The following SCUBE3 variants were observed in gnomAD, a reference collection of about 807,000 sequenced individuals.
SCUBE3 encodes the protein signal peptide, CUB and EGF-like domain-containing protein 3.
A neutral mutation model predicts 116.8 loss-of-function variants in SCUBE3; 33 were observed. The observed-to-expected ratio is 0.28, with a 90% CI of 0.21 to 0.38. SCUBE3 has a LOEUF of 0.38. Ranked by LOEUF, SCUBE3 falls within the 10% of genes least tolerant of loss-of-function variation. SCUBE3 has a pLI of 1.00. For synonymous variants in SCUBE3, 418 were observed against 496.9 expected (o/e 0.84, Z 2.11); for missense variants, 1,007 against 1,324.8 (o/e 0.76, Z 3.72).
At position 35,245,131 on chromosome 6, in the gene SCUBE3, G is replaced by A. The variant is rs754265061; in HGVS notation, c.2402-97G>A. The A allele has an allele frequency of 1.1e-5, 12 of 1,104,434 alleles. No homozygotes were observed. In the East Asian group the frequency reaches 1.2e-4, roughly 11 times the overall value. The allele number at this position is 1,104,434 out of a possible 1,614,324, so 68.4% of individuals were successfully genotyped here. On this transcript the variant is annotated intron_variant, in intron 18 of 21. Coordinates refer to ENST00000274938, the MANE Select transcript of SCUBE3 (RefSeq NM_152753.4). This position sits in a 1 kb window ranked among gnomAD's most constrained non-coding sequence, Gnocchi z 4.2. ...ACTAGAACGCAGACTTCCCATAAAT[G>A]TCTGACCTCTACTTCAGAACTCTTC...
intron 1 of SCUBE3, chr6:35,221,757 T>C (rs904252290): frequency 6.6e-6 from 1 of 152,158 alleles, no homozygotes; most frequent in Non-Finnish European, 1.5e-5. Flanking sequence ...AGTAGGAAAA[T>C]TATACACATG....
intron 1 of SCUBE3, among the ~76,000 whole-genome samples, chr6:35,225,676 T>C (rs1783295905): frequency 6.6e-6 from 1 of 152,150 alleles, no homozygotes; most frequent in Admixed American, 6.5e-5. Flanking sequence ...TGTTTGGGGA[T>C]TTCAGTTCTC....
chr6:35,243,111 G>A lies in SCUBE3; in HGVS notation c.1784G>A (p.Arg595His), dbSNP rs1445958418. ...KMLRKSINQD[R>H]FLLRLAGLDY... Reference sequence around the variant, plus strand: ...CTCAGAAAGTCCATCAACCAGGACCGCTTCCTGCTGCGCCTGGCAGGCCTT... The same window carrying A: ...CTCAGAAAGTCCATCAACCAGGACCACTTCCTGCTGCGCCTGGCAGGCCTT... Residue 595 changes from arginine to histidine, a missense_variant, in exon 15 of 22, where the codon CGC becomes CAC. By Grantham distance (29) the Arg-to-His change is conservative (BLOSUM62 0). Around this residue, in one of 5 missense-constraint regions of SCUBE3, gnomAD observed 544 missense variants for 638.9 expected, o/e 0.85. Coordinates refer to ENST00000274938, the MANE Select transcript of SCUBE3 (RefSeq NM_152753.4). This position sits in a 1 kb window ranked among gnomAD's most constrained non-coding sequence, Gnocchi z 6.6. 5 of 1,614,014 alleles carry A rather than the reference G, an allele frequency of 3.1e-6. No individual in the cohort carries two copies. The highest frequency in any genetic ancestry group is 1.7e-5 in the Admixed American group (1 of 60,014).
chr6:35,230,701 TG>T (rs1783510401), intron 3 of SCUBE3, among the ~76,000 whole-genome samples: 1 of 152,176 alleles, frequency 6.6e-6, no homozygotes, highest in Non-Finnish European at 1.5e-5. Flanking sequence ...GTGCATCTCT[TG>T]GGCAAGAGCC....
intron 1 of SCUBE3, among the ~76,000 whole-genome samples, chr6:35,217,538 C>T (rs548659402): frequency 2.6e-5 from 4 of 151,004 alleles, no homozygotes; most frequent in Admixed American, 1.3e-4. Flanking sequence ...TGTGTCTCTC[C>T]GGGTCTCTGT....
In SCUBE3 at chr6:35,241,796, C is replaced by T. The variant is rs1171525390; in HGVS notation, c.1313-10C>T. 3.1e-6 allele frequency: 5 copies of T among 1,609,264 alleles called. No homozygotes were observed. Among genetic ancestry groups the T allele is most frequent in the African/African-American group, 2.7e-5 (2 of 74,838 alleles). On this transcript the variant is annotated splice_polypyrimidine_tract_variant and intron_variant, in intron 11 of 21. Coordinates refer to ENST00000274938, the MANE Select transcript of SCUBE3 (RefSeq NM_152753.4). This position sits in a 1 kb window ranked among gnomAD's most constrained non-coding sequence, Gnocchi z 4.1. ...GGCAGGTCAGAACTGTGACAGGCTC[C>T]TTTTCTCAGAGTCTGAGAATGGCTT...
chr6:35,248,488 G>C, intron 21 of SCUBE3, 68 bp from the exon 22 acceptor site: 2 of 1,477,972 alleles, frequency 1.4e-6, no homozygotes, highest in East Asian at 4.5e-5. Flanking sequence ...AAGGGCTGCT[G>C]AGTCATGGTG....
At chr6:35,226,479 C>CTTTTTTTT in intron 1 of SCUBE3, among the ~76,000 whole-genome samples, 1 of 52,186 alleles carries the variant, frequency 1.9e-5, no homozygotes, top group Middle Eastern at 0.012. Flanking sequence ...TTTTCTATGT[C>CTTTTTTTT]CTTTTTTTTT....
chr6:35,231,807 G>A lies in SCUBE3; in HGVS notation c.417G>A (p.Arg139=), dbSNP rs138798987. Reference sequence around the variant, plus strand: ...TGGGCAGCTATGAGTGCCACTGCCGGGAAGGCTTCTTCCTCAGCGACAACC... The same window carrying A: ...TGGGCAGCTATGAGTGCCACTGCCGAGAAGGCTTCTTCCTCAGCGACAACC... ...NMMGSYECHC[R]EGFFLSDNQH... The change falls in exon 4 of 22, where the codon CGG becomes CGA. Residue 139 remains arginine, a synonymous_variant. Transcript: ENST00000274938. The surrounding 1 kb of genome is among the most constrained non-coding windows in gnomAD (Gnocchi z 4.2). 1.1e-4 allele frequency: 176 copies of A among 1,613,666 alleles called. 1 individual carries two copies. The African/African-American group carries it at 2.0e-3, about 19-fold the overall frequency.
chr6:35,233,090 G>C lies in SCUBE3; in HGVS notation c.596-95G>C. 6.7e-7 allele frequency: 1 copy of C among 1,493,300 alleles called. No individual in the cohort carries two copies. The highest frequency in any genetic ancestry group is 9.3e-7 in the Non-Finnish European group (1 of 1,078,732). The allele number at this position is 1,493,300 out of a possible 1,614,324, so 92.5% of individuals were successfully genotyped here. A position where few individuals can be genotyped will look rare whatever the true frequency, so the allele number is the denominator to read the frequency against. The stretch of plus-strand genomic sequence containing the variant: ...GCTGGGAGGAAAAGGGAGTATGGGG[G>C]AGGCAACTAGGCAAGGGGGCCAGTA... On this transcript the variant is annotated intron_variant, in intron 5 of 21. Coordinates refer to ENST00000274938, the MANE Select transcript of SCUBE3 (RefSeq NM_152753.4). This position sits in a 1 kb window ranked among gnomAD's most constrained non-coding sequence, Gnocchi z 5.7.
In SCUBE3 at chr6:35,239,712, T is replaced by G. The variant is rs974046734; in HGVS notation, c.830-40T>G. 2.9e-5 allele frequency: 47 copies of G among 1,600,886 alleles called. No individual in the cohort carries two copies. Among genetic ancestry groups the G allele is most frequent in the Non-Finnish European group, 4.0e-5 (47 of 1,173,494 alleles). On this transcript the variant is annotated intron_variant, in intron 7 of 21. Transcript: ENST00000274938. The surrounding 1 kb of genome is among the most constrained non-coding windows in gnomAD (Gnocchi z 4.1). ...CTTTCTCCTTGTTTGTTCTCAGCCT[T>G]TGATAGTATCTTTTATCCTGTTTTG... is the stretch of plus-strand genomic sequence containing the variant.
intron 21 of SCUBE3, among the ~76,000 whole-genome samples, chr6:35,247,047 A>T (rs983828576): frequency 6.6e-6 from 1 of 152,146 alleles, no homozygotes; most frequent in Non-Finnish European, 1.5e-5. Context: ...TTATGTACAG[A>T]CTTCTTTTCA....
Position 35,248,944 on chromosome 6 carries a change from A to C in SCUBE3, c.*239A>C. The C allele has an allele frequency of 1.9e-6, 1 of 539,486 alleles. No homozygotes were observed. Among genetic ancestry groups the C allele is most frequent in the Non-Finnish European group, 3.3e-6 (1 of 303,512 alleles). 33.4% of individuals were successfully genotyped at this position (539,486 alleles called of 1,614,324 possible). A position where few individuals can be genotyped will look rare whatever the true frequency, so the allele number is the denominator to read the frequency against. On this transcript the variant is annotated 3_prime_UTR_variant, in exon 22 of 22. Coordinates refer to ENST00000274938, the MANE Select transcript of SCUBE3 (RefSeq NM_152753.4). The stretch of plus-strand genomic sequence containing the variant: ...AACACACTACCTAGAAAAGCCATTC[A>C]GTACTGGCTCTAGTCCCCGTGAGAT...
At chr6:35,215,350 G>A (rs1782842291) in intron 1 of SCUBE3, among the ~76,000 whole-genome samples, 1 of 152,152 alleles carries the variant, frequency 6.6e-6, no homozygotes, top group Non-Finnish European at 1.5e-5. Context: ...TCCCAAGGCT[G>A]TGCAGGCAGA....
chr6:35,222,376 C>G (rs905816865), intron 1 of SCUBE3: 3 of 152,264 alleles, frequency 2.0e-5, no homozygotes, highest in African/African-American at 7.2e-5. Flanking sequence ...GTCTGACCCT[C>G]TGACCCTCAT....
chr6:35,229,821 C>G (rs1256056846), intron 3 of SCUBE3, among the ~76,000 whole-genome samples: 1 of 152,254 alleles, frequency 6.6e-6, no homozygotes, highest in East Asian at 1.9e-4. Context: ...GGGCCTTCTC[C>G]CAAATTACTT....
rs560087712 is a variant in SCUBE3 at position 35,235,586 on chromosome 6, C to T, written c.712+2285C>T. 4.2e-4 allele frequency: 274 copies of T among 656,034 alleles called. 3 individuals carry two copies. The highest frequency in any genetic ancestry group is 3.8e-3 in the South Asian group (246 of 65,540). The allele number at this position is 656,034 out of a possible 1,614,324, so 40.6% of individuals were successfully genotyped here. On this transcript the variant is annotated intron_variant, in intron 6 of 21. Coordinates refer to ENST00000274938, the MANE Select transcript of SCUBE3 (RefSeq NM_152753.4). This position sits in a 1 kb window ranked among gnomAD's most constrained non-coding sequence, Gnocchi z 4.5. ...TCCCACTAACTGCATGCCCACTGGG[C>T]CCAGCCTGACTGGGCCCCAACTTGC...
chr6:35,243,493 C>A lies in SCUBE3; in HGVS notation c.1910-101C>A. The A allele has an allele frequency of 8.7e-7, 1 of 1,152,772 alleles. No individual in the cohort carries two copies. Among genetic ancestry groups the A allele is most frequent in the Non-Finnish European group, 1.2e-6 (1 of 811,522 alleles). 71.4% of individuals were successfully genotyped at this position (1,152,772 alleles called of 1,614,324 possible). On this transcript the variant is annotated intron_variant, in intron 15 of 21. Transcript: ENST00000274938. This position sits in a 1 kb window ranked among gnomAD's most constrained non-coding sequence, Gnocchi z 6.6. Reference sequence around the variant, plus strand: ...GTGTTTGTTCCCTGACAGAGATTCTCCCTGAATCGGGGGTTGTGGCGGGGA... The same window carrying A: ...GTGTTTGTTCCCTGACAGAGATTCTACCTGAATCGGGGGTTGTGGCGGGGA...
chr6:35,247,080 T>C (rs1200357056), intron 21 of SCUBE3, among the ~76,000 whole-genome samples: 2 of 152,190 alleles, frequency 1.3e-5, no homozygotes. Flanking sequence ...ACTTCCAACA[T>C]GGAAGAATGG....
Sources: allele counts gnomAD v4.1 joint callset (sites outside exome capture counted in the v4.1 genomes callset), GRCh38; gene constraint gnomAD v4.1.1; regional missense constraint gnomAD v4.1.1; non-coding constraint Gnocchi (gnomAD v3.1); transcripts MANE v1.5; gene names NCBI Gene and HGNC (gene_info 2026-07-23, HGNC 2026-07-21).